Variants in METTL2A observed in about 807,000 individuals in gnomAD.
The protein encoded by METTL2A is methyltransferase 2A, tRNA N3-cytidine, also known as tRNA N(3)-cytidine methyltransferase METTL2A.
METTL2A carries 45 observed loss-of-function variants against 49.4 expected under a neutral mutation model. The observed-to-expected ratio is 0.91, with a 90% CI of 0.72 to 1.17. The LOEUF (loss-of-function observed/expected upper bound fraction) is 1.17. METTL2A is among the 50% of genes most tolerant of loss of function. METTL2A has a pLI of 0.00. For missense variants in METTL2A, 361 were observed against 462.2 expected (o/e 0.78, Z 2.01); for synonymous variants, 118 against 167.5 (o/e 0.70, Z 2.28).
At chr17:62,428,701 C>T (rs1302170176) in intron 4 of METTL2A, among the ~76,000 whole-genome samples, 8 of 152,214 alleles carry the variant, frequency 5.3e-5, no homozygotes, top group African/African-American at 1.4e-4. Flanking sequence ...GAGGATCTCA[C>T]GCTCAGGAGC....
rs751424969 is a variant in METTL2A, at chr17:62,444,823, C to T, written c.810-14C>T. ...AGGAGACCTGATTGACCGTCATTCC[C>T]TGCTGCTCCACAGGATGCAGAAGGC... On this transcript the variant is annotated splice_polypyrimidine_tract_variant and intron_variant, in intron 6 of 8. Coordinates refer to ENST00000311506, the MANE Select transcript of METTL2A (RefSeq NM_181725.4). 1 of 1,613,424 alleles carries T rather than the reference C, an allele frequency of 6.2e-7. No individual in the cohort carries two copies. Among genetic ancestry groups the T allele is most frequent in the Non-Finnish European group, 8.5e-7 (1 of 1,179,586 alleles).
intron 1 of METTL2A, 86 bp from the exon 2 acceptor site, chr17:62,424,133 A>C: frequency 6.3e-7 from 1 of 1,599,338 alleles, no homozygotes; most frequent in Non-Finnish European, 8.5e-7. Flanking sequence ...GGCACTCTCC[A>C]AGGGGAGAGA....
chr17:62,436,783 T>A (rs2070703028), intron 5 of METTL2A, among the ~76,000 whole-genome samples: 1 of 152,160 alleles, frequency 6.6e-6, no homozygotes, highest in South Asian at 2.1e-4. Context: ...ATCATTTGGC[T>A]CTTCCTTTCA....
chr17:62,453,242 G>T lies in METTL2A; in HGVS notation c.*4513G>T, dbSNP rs576933928. Among the ~76,000 whole-genome samples, 29 of 152,098 alleles carry T rather than the reference G, an allele frequency of 1.9e-4. No homozygotes were observed. Among genetic ancestry groups the T allele is most frequent in the Non-Finnish European group, 3.5e-4 (24 of 68,028 alleles). ...CTAAGCTCGACTTTTTATCTCTCAG[G>T]CCAAATTTGACTCTGCAAGGGACTT... On this transcript the variant is annotated 3_prime_UTR_variant, in exon 9 of 9. Coordinates refer to ENST00000311506, the MANE Select transcript of METTL2A (RefSeq NM_181725.4).
chr17:62,444,175 A>T (rs2070754122), intron 6 of METTL2A, among the ~76,000 whole-genome samples: 1 of 152,218 alleles, frequency 6.6e-6, no homozygotes. Flanking sequence ...AGCAGAACCC[A>T]CTGGATGCTC....
At position 62,447,737 on chromosome 17, in the gene METTL2A, A is replaced by T; in HGVS notation, c.953A>T (p.Asp318Val). 6.2e-7 allele frequency: 1 copy of T among 1,614,200 alleles called. No individual in the cohort carries two copies. The highest frequency in any genetic ancestry group is 8.5e-7 in the Non-Finnish European group (1 of 1,180,010). The change falls in exon 8 of 9, where the codon GAT becomes GTT. Residue 318 changes from aspartate (D) to valine (V), a missense_variant. Physicochemically the swap from Asp to Val is radical, Grantham distance 152. Around this residue, in one of 3 missense-constraint regions of METTL2A, gnomAD observed 183 missense variants for 216.5 expected, o/e 0.85. Coordinates refer to ENST00000311506, the MANE Select transcript of METTL2A (RefSeq NM_181725.4). The stretch of plus-strand genomic sequence containing the variant: ...TCTGGAAATTTCTACGTGAGAGGTG[A>T]TGGAACCAGAGTTTACTTCTTCACA... ...CLSGNFYVRG[D>V]GTRVYFFTQE...
At chr17:62,441,780 G>T (rs2070740234) in intron 6 of METTL2A, among the ~76,000 whole-genome samples, 1 of 142,966 alleles carries the variant, frequency 7.0e-6, no homozygotes, top group Admixed American at 7.3e-5. Context: ...TTGCTCTGTT[G>T]CCCCGGCTGG....
intron 7 of METTL2A, among the ~76,000 whole-genome samples, chr17:62,445,444 C>G (rs1005172255): frequency 6.6e-6 from 1 of 151,918 alleles, no homozygotes; most frequent in Non-Finnish European, 1.5e-5. Flanking sequence ...CTTGTATAAT[C>G]TAGATATTGA....
At chr17:62,446,480 T>G (rs576489036) in intron 7 of METTL2A, among the ~76,000 whole-genome samples, 147 of 152,202 alleles carry the variant, frequency 9.7e-4, no homozygotes, top group Non-Finnish European at 2.0e-3. Flanking sequence ...CTGGCTAATT[T>G]TTTTGTATTT....
chr17:62,427,023 A>G (rs1217388857), intron 3 of METTL2A, among the ~76,000 whole-genome samples: 1 of 152,184 alleles, frequency 6.6e-6, no homozygotes, highest in African/African-American at 2.4e-5. Flanking sequence ...CTTCTCTTCT[A>G]ATACAGTTAC....
In METTL2A at chr17:62,440,642, G is replaced by T. The variant is rs768009312; in HGVS notation, c.695G>T (p.Arg232Leu). 8.1e-6 allele frequency: 13 copies of T among 1,612,956 alleles called. No individual in the cohort carries two copies. The Admixed American group carries it at 1.0e-4, about 12-fold the overall frequency. ...ACAAATTCAGAATATGATCCTTCTC[G>T]GTGTTTTGCCTTTGTTCACGACCTG... Reference protein sequence around the residue: ...VQTNSEYDPSRCFAFVHDLCD... With the variant: ...VQTNSEYDPSLCFAFVHDLCD... Residue 232 changes from arginine (R) to leucine (L), a missense_variant, in exon 6 of 9, where the codon CGG becomes CTG. Physicochemically the swap from Arg to Leu is moderately radical, Grantham distance 102 (BLOSUM62 -2). Coordinates refer to ENST00000311506, the MANE Select transcript of METTL2A (RefSeq NM_181725.4).
At chr17:62,440,925 C>A (rs2070735349) in intron 6 of METTL2A, among the ~76,000 whole-genome samples, 169 bp downstream of exon 6, 1 of 152,184 alleles carries the variant, frequency 6.6e-6, no homozygotes, top group South Asian at 2.1e-4. Context: ...CCCTCCTCAG[C>A]TTCCCAAGTA....
chr17:62,430,581 C>T (rs1449640379), intron 4 of METTL2A, among the ~76,000 whole-genome samples: 2 of 152,156 alleles, frequency 1.3e-5, no homozygotes, highest in African/African-American at 4.8e-5. Context: ...CGTACCTTTC[C>T]AAAATGTCCT....
At chr17:62,431,079 G>A (rs1017805904) in intron 4 of METTL2A, among the ~76,000 whole-genome samples, 14 of 151,700 alleles carry the variant, frequency 9.2e-5, no homozygotes, top group African/African-American at 3.4e-4. Context: ...TGGTCAGGCT[G>A]GTTTCGAACT....
chr17:62,439,417 G>GGTTT (rs201222454), intron 5 of METTL2A, among the ~76,000 whole-genome samples: 4,827 of 150,266 alleles, frequency 0.032, 278 homozygotes, highest in African/African-American at 0.11. Flanking sequence ...TCGTGCTTTT[G>GGTTT]GTTTGTTTGT....
intron 6 of METTL2A, among the ~76,000 whole-genome samples, chr17:62,441,883 G>A (rs28615145): frequency 0.034 from 5,082 of 151,364 alleles, 293 homozygotes; most frequent in African/African-American, 0.11. Context: ...TGGGATTACA[G>A]GTGTACGCCA....
rs1232317827 is a variant in METTL2A, at chr17:62,452,358, C to T, written c.*3629C>T. Among the ~76,000 whole-genome samples, 4 of 152,142 alleles carry T rather than the reference C, an allele frequency of 2.6e-5. No individual in the cohort carries two copies. Among genetic ancestry groups the T allele is most frequent in the Admixed American group, 2.0e-4 (3 of 15,250 alleles). On this transcript the variant is annotated 3_prime_UTR_variant, in exon 9 of 9. Transcript: ENST00000311506. ...GATGTCACTTAGTTGTGTTGTCTGC[C>T]GGGTTCTGCCACTGTAAAGTTAATA...
Position 62,440,766 on chromosome 17 carries a change from G to T in METTL2A, c.809+10G>T. ...CAATTGTTCCAGACAAGTAAGTTTGGGTCCCTTGGCTGGTAGTGTCACAAA... is the reference window on the plus strand; with the variant it reads ...CAATTGTTCCAGACAAGTAAGTTTGTGTCCCTTGGCTGGTAGTGTCACAAA... On this transcript the variant is annotated intron_variant, in intron 6 of 8. Coordinates refer to ENST00000311506, the MANE Select transcript of METTL2A (RefSeq NM_181725.4). 1 of 1,608,888 alleles carries T rather than the reference G, an allele frequency of 6.2e-7. No individual in the cohort carries two copies. The highest frequency in any genetic ancestry group is 8.5e-7 in the Non-Finnish European group (1 of 1,178,568).
chr17:62,435,393 T>G (rs1291607635), intron 5 of METTL2A, 101 bp downstream of exon 5: 1 of 1,530,180 alleles, frequency 6.5e-7, no homozygotes, highest in African/African-American at 1.4e-5. Flanking sequence ...ATACAGTCTG[T>G]GTTCTTACGG....
Sources: gnomAD v4.1 joint callset for allele counts (sites outside exome capture counted in the v4.1 genomes callset) on GRCh38, gnomAD v4.1.1 for gene constraint, gnomAD v4.1.1 regional missense constraint, MANE v1.5 for transcripts, NCBI Gene and HGNC (gene_info 2026-07-23, HGNC 2026-07-21) for gene names.